FAM13A: variants seen among roughly 807,000 people sequenced by gnomAD.
FAM13A encodes protein FAM13A.
A neutral mutation model predicts 129.6 loss-of-function variants in FAM13A; 76 were observed. The observed-to-expected ratio is 0.59, with a 90% CI of 0.49 to 0.71. FAM13A has a LOEUF of 0.71. Ranked by LOEUF, FAM13A falls within the 30% of genes least tolerant of loss-of-function variation. The probability of loss-of-function intolerance (pLI) is 0.00; values close to 1 mark genes in which losing one functional copy is unlikely to be tolerated. For missense variants in FAM13A, 1,108 were observed against 1,249.3 expected (o/e 0.89, Z 1.70); for synonymous variants, 443 against 449.9 (o/e 0.98, Z 0.20).
chr4:88,822,795 T>C (rs1732262420), intron 7 of FAM13A, among the ~76,000 whole-genome samples: 1 of 152,138 alleles, frequency 6.6e-6, no homozygotes, highest in Non-Finnish European at 1.5e-5. Context: ...TTGGGCAAAA[T>C]GTCAGTAAAA....
At chr4:88,919,901 G>A (rs1163592173) in intron 5 of FAM13A, among the ~76,000 whole-genome samples, 45 of 152,228 alleles carry the variant, frequency 3.0e-4, no homozygotes, top group Admixed American at 2.0e-3. Context: ...ATTATATCGC[G>A]CACATGGCTC....
At chr4:89,011,141 C>G (rs1195712936) in intron 3 of FAM13A, among the ~76,000 whole-genome samples, 1 of 152,156 alleles carries the variant, frequency 6.6e-6, no homozygotes, top group Non-Finnish European at 1.5e-5. Flanking sequence ...AGCCACCATG[C>G]CTGGCCATCC....
chr4:88,770,457 A>G (rs1720446799), intron 11 of FAM13A, among the ~76,000 whole-genome samples: 1 of 152,236 alleles, frequency 6.6e-6, no homozygotes, highest in Non-Finnish European at 1.5e-5. Context: ...TGTCAATGAA[A>G]TGATACATTC....
chr4:88,733,439 T>C (rs1037544291), intron 21 of FAM13A, among the ~76,000 whole-genome samples: 35 of 152,190 alleles, frequency 2.3e-4, no homozygotes, highest in African/African-American at 8.4e-4. Flanking sequence ...GTTTACAAAG[T>C]AAAATTGACT....
chr4:89,056,967 T>A lies in FAM13A; in HGVS notation c.-3A>T, dbSNP rs1465937747. The A allele has an allele frequency of 6.2e-7, 1 of 1,613,596 alleles. No individual in the cohort carries two copies. Among genetic ancestry groups the A allele is most frequent in the Non-Finnish European group, 8.5e-7 (1 of 1,179,776 alleles). Reference sequence around the variant, plus strand: ...ATGGCTAGAGCTCCTGCCCCCATTCTCTCAGAAAGCGTCTGGAAGAACTGA... The same window carrying A: ...ATGGCTAGAGCTCCTGCCCCCATTCACTCAGAAAGCGTCTGGAAGAACTGA... On this transcript the variant is annotated 5_prime_UTR_variant, in exon 1 of 24. Coordinates refer to ENST00000264344, the MANE Select transcript of FAM13A (RefSeq NM_014883.4).
rs1732291639 is a variant in FAM13A, at chr4:88,822,888, T to G, written c.1008-17836A>C. ...CTCTACACACTTTGCAGCATGTTAC[T>G]AAAAGATGCCAAGTACTGGCAAAGT... On this transcript the variant is annotated intron_variant, in intron 7 of 23. Transcript: ENST00000264344. 7.7e-6 allele frequency: 12 copies of G among 1,560,194 alleles called. No homozygotes were observed. The East Asian group carries it at 2.7e-4, about 35-fold the overall frequency.
At chr4:88,843,398 C>A (rs148856403) in intron 7 of FAM13A, among the ~76,000 whole-genome samples, 6 of 152,296 alleles carry the variant, frequency 3.9e-5, no homozygotes, top group Non-Finnish European at 7.3e-5. Context: ...ATCTAAGAAT[C>A]CTTGCTTCAT....
At chr4:88,854,764 C>A (rs538732389) in intron 6 of FAM13A, among the ~76,000 whole-genome samples, 6 of 152,134 alleles carry the variant, frequency 3.9e-5, no homozygotes, top group Non-Finnish European at 5.9e-5. Context: ...TCTGCAAGTG[C>A]GCAGTAGCTC....
At chr4:88,994,938 T>C (rs1245288253) in intron 3 of FAM13A, among the ~76,000 whole-genome samples, 3 of 152,226 alleles carry the variant, frequency 2.0e-5, no homozygotes, top group Non-Finnish European at 2.9e-5. Flanking sequence ...ATTCATGTTC[T>C]CGTATTTATA....
chr4:88,885,672 C>G (rs558428928), intron 6 of FAM13A, among the ~76,000 whole-genome samples: 22 of 152,242 alleles, frequency 1.4e-4, no homozygotes, highest in African/African-American at 5.3e-4. Flanking sequence ...CCTAATTATA[C>G]TAAAAAGCTT....
chr4:88,862,760 G>A (rs779666837), intron 6 of FAM13A, among the ~76,000 whole-genome samples: 4 of 151,880 alleles, frequency 2.6e-5, no homozygotes, highest in Non-Finnish European at 5.9e-5. Context: ...TAGTGTACAC[G>A]TATTATGAAC....
At chr4:88,759,300 G>A (rs1439822782) in intron 13 of FAM13A, 2 of 159,820 alleles carry the variant, frequency 1.3e-5, no homozygotes, top group Admixed American at 6.3e-5. Flanking sequence ...GGTGTCTTTC[G>A]CAGGTGGACT....
chr4:88,975,826 A>G (rs558728903), intron 4 of FAM13A, among the ~76,000 whole-genome samples: 2 of 152,356 alleles, frequency 1.3e-5, no homozygotes, highest in Non-Finnish European at 2.9e-5. Context: ...TGAGTGAGAT[A>G]AAGTATGGTA....
At chr4:89,034,179 G>A (rs896959086) in intron 1 of FAM13A, among the ~76,000 whole-genome samples, 6 of 152,106 alleles carry the variant, frequency 3.9e-5, no homozygotes, top group African/African-American at 1.4e-4. Flanking sequence ...TGCAAACTAT[G>A]CATCCAAGAA....
In FAM13A at chr4:88,938,219, T is replaced by C; in HGVS notation, c.628A>G (p.Met210Val). 6.2e-7 allele frequency: 1 copy of C among 1,611,200 alleles called. No individual in the cohort carries two copies. The highest frequency in any genetic ancestry group is 8.5e-7 in the Non-Finnish European group (1 of 1,179,076). ...TTGTTGCACAGGTCCTGTTCCTTCA[T>C]GCCTTCAAGCCCAGGTGGCACACTA... ...CFHVPPGLEG[M>V]KEQDLCNKIM... is the part of the protein sequence containing the mutation. Residue 210 changes from methionine (M) to valine (V), a missense_variant, in exon 5 of 24, where the codon ATG (methionine) becomes GTG (valine). By Grantham distance (21) the Met-to-Val change is conservative. Transcript: ENST00000264344.
chr4:89,008,458 T>C (rs1765338767), intron 3 of FAM13A, among the ~76,000 whole-genome samples: 1 of 152,104 alleles, frequency 6.6e-6, no homozygotes, highest in Non-Finnish European at 1.5e-5. Context: ...CAGAAACTAC[T>C]TCCAGCACCT....
chr4:88,925,125 A>G (rs1426156594), intron 5 of FAM13A, among the ~76,000 whole-genome samples: 3 of 151,722 alleles, frequency 2.0e-5, no homozygotes, highest in Non-Finnish European at 4.4e-5. Context: ...AACTAGTTCA[A>G]CCATTGTGGA....
chr4:88,940,569 G>C (rs984991935), intron 4 of FAM13A, among the ~76,000 whole-genome samples: 8 of 152,132 alleles, frequency 5.3e-5, no homozygotes, highest in African/African-American at 1.2e-4. Flanking sequence ...TCTCCAAATA[G>C]AAAAGACACT....
intron 2 of FAM13A, among the ~76,000 whole-genome samples, chr4:89,024,296 C>T (rs920395987): frequency 2.6e-5 from 4 of 152,218 alleles, no homozygotes; most frequent in South Asian, 2.1e-4. Context: ...TAGGTTAAAA[C>T]GGCATAACCT....
Sources: gnomAD v4.1 joint callset for allele counts (sites outside exome capture counted in the v4.1 genomes callset) on GRCh38, gnomAD v4.1.1 for gene constraint, MANE v1.5 for transcripts, NCBI Gene and HGNC (gene_info 2026-07-23, HGNC 2026-07-21) for gene names.